FMN2: variants seen among roughly 807,000 people sequenced by gnomAD.
FMN2 encodes the protein formin-2.
Under a neutral mutation model 142.3 loss-of-function variants are expected in FMN2, and 51 were observed. The observed-to-expected ratio is 0.36, with a 90% CI of 0.29 to 0.45. The LOEUF is 0.45. Ranked by LOEUF, FMN2 falls within the 20% of genes least tolerant of loss-of-function variation. The pLI is 1.00. For missense variants in FMN2, 1,936 were observed against 2,122.8 expected (o/e 0.91, Z 1.73); for synonymous variants, 882 against 869.8 (o/e 1.01, Z -0.25).
chr1:240,435,480 G>A (rs1005960829), intron 15 of FMN2, among the ~76,000 whole-genome samples: 2 of 150,738 alleles, frequency 1.3e-5, no homozygotes, highest in Non-Finnish European at 2.9e-5. Context: ...AATACTTTTA[G>A]GAAATATATA....
At chr1:240,387,885 T>C (rs1027892733) in intron 14 of FMN2, among the ~76,000 whole-genome samples, 3 of 152,084 alleles carry the variant, frequency 2.0e-5, no homozygotes, top group Non-Finnish European at 4.4e-5. Context: ...TATTAAATCA[T>C]GAAACAGCTC....
intron 8 of FMN2, among the ~76,000 whole-genome samples, chr1:240,314,260 C>A (rs796565671): frequency 1.7e-4 from 26 of 152,098 alleles, no homozygotes; most frequent in African/African-American, 6.3e-4. Context: ...ATCATAAAGA[C>A]TGTGGTGTTT....
intron 15 of FMN2, chr1:240,400,548 C>A (rs190428127): frequency 6.6e-6 from 1 of 152,260 alleles, no homozygotes; most frequent in Non-Finnish European, 1.5e-5. Context: ...GGGCTTCCAC[C>A]TGCCCGGCTG....
Position 240,208,574 on chromosome 1 carries a change from A to T in FMN2, c.3762A>T (p.Leu1254Phe). ...TCCCACAAGTTGGGAGTAGCACTTTACCAACCCCACAGGTGTGTGGATTTC... is the reference window on the plus strand; with the variant it reads ...TCCCACAAGTTGGGAGTAGCACTTTTCCAACCCCACAGGTGTGTGGATTTC... Reference protein sequence around the residue: ...PLLPQVGSSTLPTPQVCGFLP... With the variant: ...PLLPQVGSSTFPTPQVCGFLP... Residue 1254 changes from leucine (L) to phenylalanine (F), a missense_variant, in exon 5 of 18, where the codon TTA (leucine) becomes TTT (phenylalanine). Transcript: ENST00000319653. 6.2e-7 allele frequency: 1 copy of T among 1,613,112 alleles called. No individual in the cohort carries two copies.
chr1:240,235,751 C>T (rs1667689108), intron 6 of FMN2: 1 of 152,064 alleles, frequency 6.6e-6, no homozygotes, highest in Admixed American at 6.6e-5. Context: ...AATCTTGCAT[C>T]AGTGAAGGGC....
At chr1:240,351,050 GTC>G (rs568823460) in intron 13 of FMN2, among the ~76,000 whole-genome samples, 455 of 152,308 alleles carry the variant, frequency 3.0e-3, no homozygotes, top group African/African-American at 0.011. Flanking sequence ...AATGGAGACT[GTC>G]TCATAGGAGA....
intron 13 of FMN2, 148 bp from the exon 14 acceptor site, chr1:240,355,668 G>A (rs1040848678): frequency 4.7e-5 from 23 of 490,256 alleles, no homozygotes; most frequent in African/African-American, 1.2e-4. Context: ...TCTCATGTCC[G>A]TATTTGGATG....
chr1:240,237,357 A>G (rs1667745983), intron 6 of FMN2, among the ~76,000 whole-genome samples: 1 of 152,120 alleles, frequency 6.6e-6, no homozygotes, highest in South Asian at 2.1e-4. Context: ...AGCTCTGCAT[A>G]CCAGCTGCTG....
intron 13 of FMN2, among the ~76,000 whole-genome samples, chr1:240,353,603 G>A (rs1276261944): frequency 2.0e-5 from 3 of 152,210 alleles, no homozygotes; most frequent in South Asian, 4.1e-4. Flanking sequence ...TTAATATAGT[G>A]TGGTAGTTGA....
At chr1:240,170,149 C>A in intron 2 of FMN2, 2 of 768,824 alleles carry the variant, frequency 2.6e-6, no homozygotes, top group Non-Finnish European at 4.4e-6. Context: ...CCATCCCTGG[C>A]GCCGACCAGA....
chr1:240,468,261 C>T (rs902385038), intron 16 of FMN2, among the ~76,000 whole-genome samples: 1 of 151,046 alleles, frequency 6.6e-6, no homozygotes, highest in Admixed American at 6.6e-5. Flanking sequence ...TATACATATG[C>T]ACACACACAT....
chr1:240,173,387 G>T (rs1176066062), intron 2 of FMN2, among the ~76,000 whole-genome samples: 1 of 152,188 alleles, frequency 6.6e-6, no homozygotes, highest in African/African-American at 2.4e-5. Flanking sequence ...CACTGTTTTG[G>T]ATAGTACACC....
chr1:240,135,496 T>TG (rs1662899138), intron 2 of FMN2, among the ~76,000 whole-genome samples: 2 of 152,162 alleles, frequency 1.3e-5, no homozygotes, highest in Non-Finnish European at 2.9e-5. Flanking sequence ...TGTTATATGG[T>TG]TTGAAAAAAA....
At chr1:240,131,586 GTA>G (rs928855132) in intron 2 of FMN2, among the ~76,000 whole-genome samples, 4 of 152,100 alleles carry the variant, frequency 2.6e-5, no homozygotes, top group African/African-American at 9.7e-5. Context: ...ACACATGGCT[GTA>G]ATCCCAGCTA....
chr1:240,390,257 G>A (rs773146684), intron 14 of FMN2, among the ~76,000 whole-genome samples: 23 of 152,264 alleles, frequency 1.5e-4, no homozygotes, highest in Non-Finnish European at 2.6e-4. Flanking sequence ...ATGTATAATA[G>A]AGCATTTTAA....
chr1:240,288,801 T>G (rs533711639), intron 7 of FMN2, among the ~76,000 whole-genome samples: 1 of 152,236 alleles, frequency 6.6e-6, no homozygotes, highest in African/African-American at 2.4e-5. Context: ...GGCAAGAAAC[T>G]GAGTCAGACT....
At chr1:240,435,439 C>T (rs1377994778) in intron 15 of FMN2, among the ~76,000 whole-genome samples, 2 of 150,774 alleles carry the variant, frequency 1.3e-5, no homozygotes, top group East Asian at 3.9e-4. Flanking sequence ...GTTAATAAAT[C>T]AGCCCCAATT....
At chr1:240,418,924 T>C (rs1674671633) in intron 15 of FMN2, among the ~76,000 whole-genome samples, 2 of 151,956 alleles carry the variant, frequency 1.3e-5, no homozygotes, top group South Asian at 4.2e-4. Context: ...CTGGCCAACA[T>C]CATGAAACCC....
At chr1:240,367,100 T>C (rs1318319915) in intron 14 of FMN2, among the ~76,000 whole-genome samples, 1 of 152,148 alleles carries the variant, frequency 6.6e-6, no homozygotes, top group East Asian at 1.9e-4. Flanking sequence ...TTTGATTTTA[T>C]TTTTTTTAGT....
Sources: allele counts gnomAD v4.1 joint callset (sites outside exome capture counted in the v4.1 genomes callset), GRCh38; gene constraint gnomAD v4.1.1; transcripts MANE v1.5; gene names NCBI Gene and HGNC (gene_info 2026-07-23, HGNC 2026-07-21).